The following EGF variants were observed in gnomAD, a reference collection of about 807,000 sequenced individuals.
The protein encoded by EGF is epidermal growth factor, also known as pro-epidermal growth factor.
In EGF, 95 loss-of-function variants were observed where a neutral mutation model predicts 143.8. The observed-to-expected ratio is 0.66, with a 90% CI of 0.56 to 0.78. The LOEUF (loss-of-function observed/expected upper bound fraction) is 0.78. Among genes scored for constraint, EGF ranks in the 30% least tolerant of loss-of-function variants. The pLI, the probability that EGF is intolerant of heterozygous loss-of-function variation, is 0.00. For synonymous variants in EGF, 510 were observed against 510.5 expected (o/e 1.00, Z 0.01); for missense variants, 1,320 against 1,470.9 (o/e 0.90, Z 1.68).
At chr4:109,941,246 A>T (rs1002690824) in intron 2 of EGF, 101 bp downstream of exon 2, 18 of 1,091,168 alleles carry the variant, frequency 1.6e-5, no homozygotes, top group South Asian at 6.9e-5. Context: ...ATTATATAAC[A>T]GTTCAAATGC....
rs1168923558 is a variant in EGF, at chr4:109,943,354, C to A, written c.428C>A (p.Thr143Lys). 6.2e-7 allele frequency: 1 copy of A among 1,613,178 alleles called. No homozygotes were observed. The highest frequency in any genetic ancestry group is 1.1e-5 in the South Asian group (1 of 90,982). Residue 143 changes from threonine to lysine, a missense_variant, in exon 3 of 24, where the codon ACA (threonine) becomes AAA (lysine). Thr to Lys is a moderately conservative substitution (Grantham distance 78). Coordinates refer to ENST00000265171, the MANE Select transcript of EGF (RefSeq NM_001963.6). Reference protein sequence around the residue: ...SNQQEGIITVTDMKGNNSHIL... With the variant: ...SNQQEGIITVKDMKGNNSHIL... ...CAACAGGAAGGAATCATTACAGTAA[C>A]AGATATGAAAGGAAATAATTCCCAC...
chr4:110,003,165 TCTGGGTATATACCCAGTAATGGAATTG>T (rs1455077447), intron 21 of EGF, among the ~76,000 whole-genome samples: 1 of 152,218 alleles, frequency 6.6e-6, no homozygotes, highest in Non-Finnish European at 1.5e-5. Flanking sequence ...TTTATATTCC[TCTGGGTATATACCCAGTAATGGAATTG>T]CTGGGTCAAA....
At chr4:109,966,374 G>A (rs1015510520) in intron 10 of EGF, among the ~76,000 whole-genome samples, 1 of 152,014 alleles carries the variant, frequency 6.6e-6, no homozygotes, top group African/African-American at 2.4e-5. Context: ...TGCTCACAAT[G>A]ATTTCATTCT....
chr4:109,943,906 G>A lies in EGF; in HGVS notation c.574G>A (p.Val192Met), dbSNP rs988286670. Residue 192 changes from valine to methionine, a missense_variant, in exon 4 of 24, where the codon GTG becomes ATG. Val to Met is a conservative substitution (Grantham distance 21, BLOSUM62 1). Transcript: ENST00000265171. ...TAGAGCAGATCTCGATGGTGTGGGA[G>A]TGAAGGCTCTGTTGGAGACATCAGA... ...LYRADLDGVG[V>M]KALLETSEKI... 1 of 1,614,128 alleles carries A rather than the reference G, an allele frequency of 6.2e-7. No individual in the cohort carries two copies. Among genetic ancestry groups the A allele is most frequent in the Non-Finnish European group, 8.5e-7 (1 of 1,180,014 alleles).
At chr4:109,931,123 G>A (rs1739611996) in intron 1 of EGF, among the ~76,000 whole-genome samples, 1 of 152,170 alleles carries the variant, frequency 6.6e-6, no homozygotes, top group African/African-American at 2.4e-5. Context: ...ACACATCAGT[G>A]TTTACAGAGT....
At chr4:109,934,803 G>A (rs1028480918) in intron 1 of EGF, among the ~76,000 whole-genome samples, 20 of 152,132 alleles carry the variant, frequency 1.3e-4, no homozygotes, top group South Asian at 6.2e-4. Context: ...TCCCAGCACC[G>A]TTTATTAAAA....
chr4:110,006,165 AT>A (rs1753259897), intron 22 of EGF, among the ~76,000 whole-genome samples: 6 of 146,160 alleles, frequency 4.1e-5, no homozygotes, highest in African/African-American at 1.6e-4. Context: ...TAGCAAGATC[AT>A]ATTTCTTTAA....
chr4:109,979,934 C>A (rs188758408), intron 13 of EGF, 38 bp from the exon 14 acceptor site: 1 of 1,611,688 alleles, frequency 6.2e-7, no homozygotes, highest in Non-Finnish European at 8.5e-7. Flanking sequence ...ATTGCAAAGA[C>A]AAAGAAGGTG....
At position 109,945,192 on chromosome 4, in the gene EGF, A is replaced by C; in HGVS notation, c.857A>C (p.His286Pro). 6.2e-7 allele frequency: 1 copy of C among 1,614,110 alleles called. No individual in the cohort carries two copies. Among genetic ancestry groups the C allele is most frequent in the Non-Finnish European group, 8.5e-7 (1 of 1,179,994 alleles). ...TGKDMVRINL[H>P]SSFVPLGELK... Reference sequence around the variant, plus strand: ...AAGGACATGGTTAGAATTAACCTCCATTCATCATTTGTACCACTTGGTGAA... The same window carrying C: ...AAGGACATGGTTAGAATTAACCTCCCTTCATCATTTGTACCACTTGGTGAA... The change falls in exon 5 of 24, where the codon CAT (histidine) becomes CCT (proline). Residue 286 changes from histidine to proline, a missense_variant. Around this residue, in one of 5 missense-constraint regions of EGF, gnomAD observed 1,186 missense variants for 1,313.7 expected, o/e 0.90. Transcript: ENST00000265171.
chr4:109,993,062 C>A (rs11569074), intron 18 of EGF, among the ~76,000 whole-genome samples, 185 bp from the exon 19 acceptor site: 13 of 151,592 alleles, frequency 8.6e-5, no homozygotes, highest in African/African-American at 2.7e-4. Context: ...AAACCTGCAC[C>A]TTGTGCATGT....
intron 22 of EGF, among the ~76,000 whole-genome samples, chr4:110,007,650 G>C (rs1753483521): frequency 6.6e-6 from 1 of 152,134 alleles, no homozygotes; most frequent in South Asian, 2.1e-4. Flanking sequence ...TGTTCAACCA[G>C]CTTGCAAAAT....
At chr4:109,962,572 A>G (rs1404103555) in intron 8 of EGF, among the ~76,000 whole-genome samples, 9 of 152,114 alleles carry the variant, frequency 5.9e-5, no homozygotes, top group Admixed American at 5.9e-4. Flanking sequence ...CATCAAATGG[A>G]TTTTTCATTC....
rs1003424335 is a variant in EGF, at chr4:109,913,259, A to G, written c.-77A>G. The G allele has an allele frequency of 2.9e-5, 47 of 1,597,042 alleles. No individual in the cohort carries two copies. The highest frequency in any genetic ancestry group is 3.8e-5 in the Non-Finnish European group (44 of 1,168,656). On this transcript the variant is annotated 5_prime_UTR_variant, in exon 1 of 24. Transcript: ENST00000265171. ...GCTCAGGCAGCCGCATCTGGGGTCA[A>G]TCATACTCACCTTGCCCGGGCCATG...
intron 1 of EGF, among the ~76,000 whole-genome samples, chr4:109,920,914 G>T (rs1737664632): frequency 6.6e-6 from 1 of 151,606 alleles, no homozygotes; most frequent in South Asian, 2.1e-4. Context: ...TACCACTGAG[G>T]TGGTTGTGCA....
chr4:109,958,239 C>T (rs2126049220), intron 5 of EGF, among the ~76,000 whole-genome samples: 1 of 152,304 alleles, frequency 6.6e-6, no homozygotes, highest in South Asian at 2.1e-4. Flanking sequence ...TGGCATGTGG[C>T]AAATTCATGT....
chr4:109,927,088 T>C (rs937587474), intron 1 of EGF, among the ~76,000 whole-genome samples: 1 of 152,270 alleles, frequency 6.6e-6, no homozygotes, highest in African/African-American at 2.4e-5. Flanking sequence ...AGTTTTCATT[T>C]ACTGTTTAAA....
chr4:109,992,959 AG>A (rs1245374273), intron 18 of EGF, among the ~76,000 whole-genome samples: 46 of 50,728 alleles, frequency 9.1e-4, no homozygotes, highest in Non-Finnish European at 1.4e-3. Flanking sequence ...GGGTGGGGGG[AG>A]GGGGGAGGGA....
intron 11 of EGF, 123 bp downstream of exon 11, chr4:109,969,242 G>C: frequency 1.5e-6 from 2 of 1,304,940 alleles, no homozygotes; most frequent in Non-Finnish European, 2.2e-6. Context: ...TGGGATTGGA[G>C]AAAAGAGGCC....
chr4:109,924,168 G>A (rs1435346472), intron 1 of EGF, among the ~76,000 whole-genome samples: 3 of 151,526 alleles, frequency 2.0e-5, no homozygotes, highest in Non-Finnish European at 4.4e-5. Context: ...TCTTATTATG[G>A]ATGAGAGGCT....
Sources: allele counts gnomAD v4.1 joint callset (sites outside exome capture counted in the v4.1 genomes callset), GRCh38; gene constraint gnomAD v4.1.1; regional missense constraint gnomAD v4.1.1; transcripts MANE v1.5; gene names NCBI Gene and HGNC (gene_info 2026-07-23, HGNC 2026-07-21).